Variants in DRC9 observed in about 807,000 individuals in gnomAD.
DRC9 encodes the protein dynein regulatory complex protein 9.
At chr3:197,900,826 A>T in the DRC9 span, among the ~76,000 whole-genome samples, 4 of 152,188 alleles carry the variant, frequency 2.6e-5, no homozygotes, top group Non-Finnish European at 5.9e-5. This position sits in a 1 kb window ranked among gnomAD's most constrained non-coding sequence, Gnocchi z 4.7. Context: ...TGGCCTTCCT[A>T]GACACACCTT....
At chr3:197,953,784 A>G in the DRC9 span, 1 of 607,988 alleles carries the variant, frequency 1.6e-6, no homozygotes, top group African/African-American at 1.9e-5. Flanking sequence ...TTATCATGTG[A>G]AAGATTTTTG....
At chr3:197,904,057 TATATATATACATAC>T in the DRC9 span, among the ~76,000 whole-genome samples, 21,911 of 87,300 alleles carry the variant, frequency 0.25, 3,163 homozygotes, top group African/African-American at 0.55. Context: ...TACATACATA[TATATATATACATAC>T]ATATATATAT....
At chr3:197,904,031 T>C in the DRC9 span, among the ~76,000 whole-genome samples, 2 of 72,366 alleles carry the variant, frequency 2.8e-5, no homozygotes, top group Admixed American at 1.2e-4. Context: ...TACATATATA[T>C]ATACATACAT....
the DRC9 span, chr3:197,912,587 G>GT: frequency 1.1e-6 from 1 of 945,500 alleles, no homozygotes; most frequent in East Asian, 2.4e-5. Flanking sequence ...ATGATGGTTG[G>GT]TTTTCCTTCA....
chr3:197,946,790 T>A, the DRC9 span, among the ~76,000 whole-genome samples: 2 of 152,178 alleles, frequency 1.3e-5, no homozygotes, highest in Admixed American at 1.3e-4. Flanking sequence ...TAGGAGGAAG[T>A]AGCATGGTAT....
At chr3:197,951,101 C>T in the DRC9 span, 27 of 1,611,128 alleles carry the variant, frequency 1.7e-5, no homozygotes, top group Non-Finnish European at 2.2e-5. Flanking sequence ...GGGGTGATTA[C>T]AAGTCAGATT....
At chr3:197,943,425 A>T in the DRC9 span, among the ~76,000 whole-genome samples, 1 of 152,130 alleles carries the variant, frequency 6.6e-6, no homozygotes, top group Non-Finnish European at 1.5e-5. Context: ...TTCCCACGTG[A>T]TATTTAATGG....
chr3:197,903,809 G>A, the DRC9 span, among the ~76,000 whole-genome samples: 566 of 151,746 alleles, frequency 3.7e-3, 2 homozygotes, highest in Non-Finnish European at 5.4e-3. Flanking sequence ...ATCTAATAAT[G>A]TGAAAAATGG....
the DRC9 span, chr3:197,958,803 A>G: frequency 5.3e-5 from 8 of 152,268 alleles, no homozygotes; most frequent in African/African-American, 1.9e-4. Context: ...CTCCTCCCAT[A>G]TGGAAATTAA....
the DRC9 span, among the ~76,000 whole-genome samples, chr3:197,931,144 G>C: frequency 6.6e-6 from 1 of 152,010 alleles, no homozygotes; most frequent in Middle Eastern, 3.2e-3. Flanking sequence ...GAGCAAAAAA[G>C]GACAAGAAAA....
chr3:197,910,449 G>C, the DRC9 span, among the ~76,000 whole-genome samples: 1 of 152,156 alleles, frequency 6.6e-6, no homozygotes, highest in Non-Finnish European at 1.5e-5. Flanking sequence ...TCTCACACTT[G>C]AAACAGGTAA....
chr3:197,950,056 C>G, the DRC9 span: 1 of 1,010,246 alleles, frequency 9.9e-7, no homozygotes, highest in African/African-American at 1.7e-5. Flanking sequence ...TGTAAGAGTG[C>G]TATTGAATGT....
At chr3:197,910,045 G>A in the DRC9 span, among the ~76,000 whole-genome samples, 1 of 152,148 alleles carries the variant, frequency 6.6e-6, no homozygotes, top group Non-Finnish European at 1.5e-5. Context: ...TTAGGTATAA[G>A]TATGTATATG....
chr3:197,906,471 G>C, the DRC9 span: 1 of 149,348 alleles, frequency 6.7e-6, no homozygotes, highest in Non-Finnish European at 1.5e-5. Context: ...TACGCATCCA[G>C]ATTAGGAAAA....
chr3:197,912,454 TC>T, the DRC9 span: 1 of 474,562 alleles, frequency 2.1e-6, no homozygotes, highest in Non-Finnish European at 3.7e-6. Context: ...TTATGTAAGC[TC>T]AATGATAAAA....
the DRC9 span, among the ~76,000 whole-genome samples, chr3:197,895,149 TAAAAAC>T: frequency 2.6e-5 from 4 of 151,994 alleles, no homozygotes; most frequent in African/African-American, 4.8e-5. Flanking sequence ...TGTTAACACT[TAAAAAC>T]AAAAACAAAC....
At chr3:197,932,231 A>G in the DRC9 span, 2 of 1,613,560 alleles carry the variant, frequency 1.2e-6, no homozygotes, top group South Asian at 1.1e-5. Flanking sequence ...CAAAGCTTGC[A>G]GGAGACTGTT....
chr3:197,918,258 CTTTTTTTTT>C, the DRC9 span, among the ~76,000 whole-genome samples: 9 of 60,300 alleles, frequency 1.5e-4, no homozygotes, highest in African/African-American at 2.6e-4. Flanking sequence ...TAATTTTTTG[CTTTTTTTTT>C]TTTTTTTTTT....
At chr3:197,939,778 G>A in the DRC9 span, among the ~76,000 whole-genome samples, 3 of 151,350 alleles carry the variant, frequency 2.0e-5, no homozygotes, top group Non-Finnish European at 4.4e-5. Context: ...TTGCTCCGCC[G>A]CCCAGGCTGG....
Sources: allele counts gnomAD v4.1 joint callset (sites outside exome capture counted in the v4.1 genomes callset), GRCh38; gene constraint gnomAD v4.1.1; non-coding constraint Gnocchi (gnomAD v3.1); transcripts MANE v1.5; gene names NCBI Gene and HGNC (gene_info 2026-07-23, HGNC 2026-07-21).